The following PDZRN4 variants were observed in gnomAD, a reference collection of about 807,000 sequenced individuals.
PDZRN4 encodes PDZ domain containing ring finger 4, also known as PDZ domain-containing RING finger protein 4.
A neutral mutation model predicts 99.0 loss-of-function variants in PDZRN4; 70 were observed. The ratio of observed to expected loss-of-function variants is 0.71; its 90% confidence interval spans 0.58 to 0.86. The LOEUF (loss-of-function observed/expected upper bound fraction) is 0.86, where lower values mean the gene tolerates loss of function less well. PDZRN4 is among the 40% of genes least tolerant of loss of function. The pLI, the probability that PDZRN4 is intolerant of heterozygous loss-of-function variation, is 0.00. For missense variants in PDZRN4, 1,474 were observed against 1,331.2 expected, an observed-to-expected ratio of 1.11 and a Z score of -1.67; for synonymous variants, 551 against 501.6, an observed-to-expected ratio of 1.10 and a Z score of -1.32.
intron 3 of PDZRN4, among the ~76,000 whole-genome samples, chr12:41,197,137 G>T (rs964788396): frequency 2.6e-5 from 4 of 152,040 alleles, no homozygotes; most frequent in African/African-American, 9.7e-5. Flanking sequence ...CTAATTGCTT[G>T]ATGCACACAT....
intron 3 of PDZRN4, among the ~76,000 whole-genome samples, chr12:41,211,540 T>C (rs746752835): frequency 2.6e-4 from 40 of 152,078 alleles, no homozygotes; most frequent in South Asian, 6.2e-4. Flanking sequence ...ATTAGCATGA[T>C]TAGTGTTAGT....
At chr12:41,498,435 G>C (rs747019363) in intron 3 of PDZRN4, among the ~76,000 whole-genome samples, 2 of 152,090 alleles carry the variant, frequency 1.3e-5, no homozygotes, top group African/African-American at 2.4e-5. Context: ...TCAATATCAA[G>C]GTGCCAGCAT....
chr12:41,243,608 C>T (rs545147961), intron 3 of PDZRN4, among the ~76,000 whole-genome samples: 41 of 151,984 alleles, frequency 2.7e-4, no homozygotes, highest in Non-Finnish European at 4.3e-4. Context: ...CTGTTCACAA[C>T]TACAATTAAA....
intron 3 of PDZRN4, among the ~76,000 whole-genome samples, chr12:41,376,810 T>A (rs975947547): frequency 1.3e-5 from 2 of 152,192 alleles, no homozygotes; most frequent in Non-Finnish European, 2.9e-5. Context: ...CCAAGACCAG[T>A]GTCAAGGAGT....
chr12:41,573,486 A>G lies in PDZRN4; in HGVS notation c.2707A>G (p.Lys903Glu). ...IRSDGTRYIT[K>E]RPVRDRILKE... ...GAGCGACGGGACACGGTACATCACA[A>G]AGAGACCCGTGCGAGACCGAATCCT... is the stretch of plus-strand genomic sequence containing the variant. Residue 903 changes from lysine to glutamate, a missense_variant, in exon 10 of 10, where the codon AAG becomes GAG. Lys to Glu is a moderately conservative substitution (Grantham distance 56, BLOSUM62 1). Transcript: ENST00000402685. 6.2e-7 allele frequency: 1 copy of G among 1,613,978 alleles called. No individual in the cohort carries two copies. The highest frequency in any genetic ancestry group is 2.2e-5 in the East Asian group (1 of 44,844).
At chr12:41,280,896 T>A (rs1212445810) in intron 3 of PDZRN4, among the ~76,000 whole-genome samples, 1 of 152,186 alleles carries the variant, frequency 6.6e-6, no homozygotes, top group Non-Finnish European at 1.5e-5. Flanking sequence ...AGTGGGTCCC[T>A]GACCCCCGTG....
chr12:41,191,646 G>T, intron 2 of PDZRN4, 102 bp downstream of exon 2: 1 of 555,776 alleles, frequency 1.8e-6, no homozygotes, highest in South Asian at 2.8e-5. Flanking sequence ...TTTTGTTTGT[G>T]GATTTTGAGT....
chr12:41,261,894 T>C (rs774907444), intron 3 of PDZRN4, among the ~76,000 whole-genome samples: 1 of 152,198 alleles, frequency 6.6e-6, no homozygotes, highest in Admixed American at 6.5e-5. Flanking sequence ...CGCATTCTTA[T>C]GCTGGCAGAT....
At chr12:41,498,051 A>G (rs1239750099) in intron 3 of PDZRN4, among the ~76,000 whole-genome samples, 2 of 152,086 alleles carry the variant, frequency 1.3e-5, no homozygotes, top group Non-Finnish European at 2.9e-5. Context: ...CAAGAATAGT[A>G]TAAAAATTCT....
At chr12:41,328,019 G>GA (rs1394016095) in intron 3 of PDZRN4, among the ~76,000 whole-genome samples, 1 of 152,008 alleles carries the variant, frequency 6.6e-6, no homozygotes, top group African/African-American at 2.4e-5. Context: ...AGTCAAATAT[G>GA]AAAAAATATG....
At chr12:41,358,715 T>C (rs1015527891) in intron 3 of PDZRN4, among the ~76,000 whole-genome samples, 1 of 151,988 alleles carries the variant, frequency 6.6e-6, no homozygotes, top group African/African-American at 2.4e-5. Flanking sequence ...CTTAGAAAGG[T>C]TTTCCTTTGA....
intron 3 of PDZRN4, among the ~76,000 whole-genome samples, chr12:41,299,747 T>C (rs1356147723): frequency 6.6e-6 from 1 of 152,082 alleles, no homozygotes; most frequent in African/African-American, 2.4e-5. Flanking sequence ...TATTTCACTG[T>C]GTATTTGTGT....
At chr12:41,361,592 T>C (rs1287776482) in intron 3 of PDZRN4, among the ~76,000 whole-genome samples, 1 of 152,016 alleles carries the variant, frequency 6.6e-6, no homozygotes, top group Admixed American at 6.6e-5. Flanking sequence ...GATCATAAAC[T>C]TTTCTATTTA....
chr12:41,263,644 A>T (rs1233451415), intron 3 of PDZRN4, among the ~76,000 whole-genome samples: 1 of 152,138 alleles, frequency 6.6e-6, no homozygotes, highest in East Asian at 1.9e-4. Flanking sequence ...CCGAGATCCC[A>T]CCACTGCACT....
At chr12:41,317,766 G>A (rs1244931920) in intron 3 of PDZRN4, among the ~76,000 whole-genome samples, 1 of 151,962 alleles carries the variant, frequency 6.6e-6, no homozygotes, top group Non-Finnish European at 1.5e-5. Flanking sequence ...TGGACTCCGG[G>A]CTCCACCTTC....
Position 41,574,621 on chromosome 12 carries a change from G to T in PDZRN4, c.*731G>T, listed in dbSNP as rs1317685333. ...GAGTGTTTTATTTTCCTTGTCCACA[G>T]TGGTTGACAGTTATAAAGTAGTTAT... On this transcript the variant is annotated 3_prime_UTR_variant, in exon 10 of 10. Coordinates refer to ENST00000402685, the MANE Select transcript of PDZRN4 (RefSeq NM_001164595.2). 2.6e-5 allele frequency: 4 copies of T among 152,512 alleles called. No individual in the cohort carries two copies. The highest frequency in any genetic ancestry group is 1.3e-4 in the Admixed American group (2 of 15,276). The allele number at this position is 152,512 out of a possible 1,614,324, so 9.4% of individuals were successfully genotyped here. A position where few individuals can be genotyped will look rare whatever the true frequency, so the allele number is the denominator to read the frequency against.
intron 3 of PDZRN4, among the ~76,000 whole-genome samples, chr12:41,384,615 G>A (rs1204349024): frequency 6.6e-6 from 1 of 152,124 alleles, no homozygotes; most frequent in African/African-American, 2.4e-5. Context: ...GCTACTGTGA[G>A]TATACTATAA....
intron 3 of PDZRN4, among the ~76,000 whole-genome samples, chr12:41,449,655 T>G (rs1035703405): frequency 2.0e-5 from 3 of 152,186 alleles, no homozygotes; most frequent in African/African-American, 7.2e-5. Flanking sequence ...GTGATGATAA[T>G]TGTCTGTAGC....
intron 9 of PDZRN4, among the ~76,000 whole-genome samples, chr12:41,570,603 T>C (rs1363039137): frequency 6.6e-6 from 1 of 152,112 alleles, no homozygotes; most frequent in Non-Finnish European, 1.5e-5. Flanking sequence ...AAATTACTAG[T>C]CTTCTTGTAT....
Sources: gnomAD v4.1 joint callset for allele counts (sites outside exome capture counted in the v4.1 genomes callset) on GRCh38, gnomAD v4.1.1 for gene constraint, MANE v1.5 for transcripts, NCBI Gene and HGNC (gene_info 2026-07-23, HGNC 2026-07-21) for gene names.